The following DOCK1 variants were observed in gnomAD, a reference collection of about 807,000 sequenced individuals.
DOCK1 encodes dedicator of cytokinesis 1.
DOCK1 carries 138 observed loss-of-function variants against 262.7 expected under a neutral mutation model. The ratio of observed to expected loss-of-function variants is 0.53; its 90% CI spans 0.46 to 0.61. The LOEUF is 0.61. DOCK1 is among the 20% of genes least tolerant of loss of function. The pLI is 0.00. For missense variants in DOCK1, 1,908 were observed against 2,370.7 expected (o/e 0.80, Z 4.05); for synonymous variants, 866 against 867.4 (o/e 1.00, Z 0.03).
intron 38 of DOCK1, among the ~76,000 whole-genome samples, chr10:127,397,604 G>A (rs540113621): frequency 6.6e-6 from 1 of 151,960 alleles, no homozygotes; most frequent in African/African-American, 2.4e-5. Flanking sequence ...AGTTACACGG[G>A]CAGCGTCTCC....
intron 29 of DOCK1, among the ~76,000 whole-genome samples, chr10:127,273,420 T>C (rs1358493794): frequency 6.6e-6 from 1 of 152,232 alleles, no homozygotes; most frequent in Non-Finnish European, 1.5e-5. Flanking sequence ...TGCTCCCTGC[T>C]AACTCCAAGC....
rs560318494 is a variant in DOCK1 at position 127,194,421 on chromosome 10, A to G, written c.2848-53587A>G. 9.8e-5 allele frequency among the ~76,000 whole-genome samples: 15 copies of G among 152,378 alleles called. No individual in the cohort carries two copies. The East Asian group carries it at 2.5e-3, about 25-fold the overall frequency. ...CTAATCATTCTTGCAAAAAAATTGC[A>G]AAGATAAATATGAACTTTCAAAAGT... is the stretch of plus-strand genomic sequence containing the variant. On this transcript the variant is annotated intron_variant, in intron 27 of 51. Transcript: ENST00000623213.
intron 30 of DOCK1, among the ~76,000 whole-genome samples, chr10:127,340,679 G>T (rs1395459458): frequency 6.6e-6 from 1 of 152,106 alleles, no homozygotes; most frequent in South Asian, 2.1e-4. Flanking sequence ...CATGATTTTA[G>T]CAATTTGCCA....
chr10:127,223,548 A>C (rs2058519522), intron 27 of DOCK1, among the ~76,000 whole-genome samples: 2 of 152,226 alleles, frequency 1.3e-5, no homozygotes, highest in Non-Finnish European at 2.9e-5. Context: ...TTTGGATTTC[A>C]GATGAGAGAT....
At chr10:127,077,433 G>T (rs572296410) in intron 23 of DOCK1, among the ~76,000 whole-genome samples, 1 of 152,258 alleles carries the variant, frequency 6.6e-6, no homozygotes, top group South Asian at 2.1e-4. Context: ...AGAAAGCAGT[G>T]CTAAGTACTT....
intron 25 of DOCK1, among the ~76,000 whole-genome samples, chr10:127,120,520 C>T (rs2049490187): frequency 6.6e-6 from 1 of 152,154 alleles, no homozygotes; most frequent in Non-Finnish European, 1.5e-5. Flanking sequence ...ATTTTACATT[C>T]TTTTTATGAT....
chr10:126,944,463 G>T (rs926557783), intron 1 of DOCK1, among the ~76,000 whole-genome samples: 10 of 152,136 alleles, frequency 6.6e-5, no homozygotes, highest in African/African-American at 2.4e-4. Context: ...TTGGGAGTCA[G>T]CACGAAGATG....
chr10:127,320,957 A>T (rs1036911423), intron 29 of DOCK1, among the ~76,000 whole-genome samples: 6 of 151,536 alleles, frequency 4.0e-5, no homozygotes, highest in Admixed American at 2.0e-4. Context: ...CAGACCACAC[A>T]GAGTGGTCCC....
At chr10:127,035,827 T>C (rs1345697460) in intron 18 of DOCK1, among the ~76,000 whole-genome samples, 1 of 151,720 alleles carries the variant, frequency 6.6e-6, no homozygotes, top group Non-Finnish European at 1.5e-5. Flanking sequence ...CTGGGCAACA[T>C]GGCGAGTCCC....
At chr10:126,918,978 G>GTCAAGGTGCAGATCGGCA (rs1564982389) in intron 1 of DOCK1, among the ~76,000 whole-genome samples, 1 of 151,482 alleles carries the variant, frequency 6.6e-6, no homozygotes, top group Non-Finnish European at 1.5e-5. Context: ...GGAGGAGAAA[G>GTCAAGGTGCAGATCGGCA]CCGAGAGGGA....
At chr10:127,374,270 G>A in intron 35 of DOCK1, 56 bp downstream of exon 35, 1 of 1,545,634 alleles carries the variant, frequency 6.5e-7, no homozygotes, top group South Asian at 1.2e-5. Flanking sequence ...AGAAACTGAA[G>A]CGGGGATTGC....
intron 1 of DOCK1, among the ~76,000 whole-genome samples, chr10:126,947,711 ATGG>A (rs1473559030): frequency 7.4e-3 from 311 of 42,304 alleles, no homozygotes; most frequent in Admixed American, 8.1e-3. Context: ...GTTGGTGGTG[ATGG>A]TGGTGGTTGG....
rs1192723925 is a variant in DOCK1 at position 126,937,945 on chromosome 10, TC to T, written c.46+32386del. On this transcript the variant is annotated intron_variant, in intron 1 of 51. Coordinates refer to ENST00000623213, the MANE Select transcript of DOCK1 (RefSeq NM_001290223.2). ...GCCAAATCCAGTGCCTCGAAGTTTT[TC>T]CCCTGTTTCCTGCTAAGAGTTTTAC... Among the ~76,000 whole-genome samples the T allele has an allele frequency of 3.9e-5, 6 of 152,328 alleles. No homozygotes were observed. The South Asian group carries it at 1.2e-3, about 32-fold the overall frequency.
chr10:127,196,900 T>C (rs2057213425), intron 27 of DOCK1, among the ~76,000 whole-genome samples: 1 of 152,032 alleles, frequency 6.6e-6, no homozygotes, highest in Admixed American at 6.5e-5. Context: ...GGCGGGGGAC[T>C]CCGTGTGTTC....
At chr10:127,177,918 C>T (rs1210229515) in intron 27 of DOCK1, among the ~76,000 whole-genome samples, 1 of 152,204 alleles carries the variant, frequency 6.6e-6, no homozygotes, top group Non-Finnish European at 1.5e-5. Flanking sequence ...TTCGGTGTCA[C>T]ACAGGAAATA....
chr10:127,421,448 A>T (rs1161109241), intron 46 of DOCK1, among the ~76,000 whole-genome samples: 2 of 152,208 alleles, frequency 1.3e-5, no homozygotes, highest in African/African-American at 2.4e-5. Context: ...TATATATTAT[A>T]AATAATTGTG....
intron 27 of DOCK1, among the ~76,000 whole-genome samples, chr10:127,139,476 A>C (rs1415408509): frequency 6.6e-6 from 1 of 151,870 alleles, no homozygotes; most frequent in Admixed American, 6.6e-5. Flanking sequence ...TTTTTCGAAG[A>C]GCCTCTTTGA....
chr10:126,938,735 T>G (rs1382308920), intron 1 of DOCK1, among the ~76,000 whole-genome samples: 1 of 138,828 alleles, frequency 7.2e-6, no homozygotes, highest in South Asian at 2.1e-4. Flanking sequence ...GCTGCTACAT[T>G]CTCCAGAGGG....
intron 33 of DOCK1, among the ~76,000 whole-genome samples, chr10:127,362,993 C>A (rs10829842): frequency 0.67 from 43,951 of 65,506 alleles, 14,867 homozygotes; most frequent in African/African-American, 0.79. Context: ...ACATCCCCCC[C>A]CACACACACA....
Sources: gnomAD v4.1 joint callset for allele counts (sites outside exome capture counted in the v4.1 genomes callset) on GRCh38, gnomAD v4.1.1 for gene constraint, MANE v1.5 for transcripts, NCBI Gene and HGNC (gene_info 2026-07-23, HGNC 2026-07-21) for gene names.